Variants in ERC2 observed in about 807,000 individuals in gnomAD.
The protein encoded by ERC2 is ELKS/RAB6-interacting/CAST family member 2.
In ERC2, 42 loss-of-function variants were observed where a neutral mutation model predicts 114.8. The ratio of observed to expected loss-of-function variants is 0.37; its 90% confidence interval spans 0.29 to 0.47. The LOEUF (loss-of-function observed/expected upper bound fraction) is 0.47. ERC2 is among the 20% of genes least tolerant of loss of function. ERC2 has a pLI of 0.99. For missense variants in ERC2, 939 were observed against 1,150.7 expected (o/e 0.82, Z 2.66); for synonymous variants, 454 against 425.5 (o/e 1.07, Z -0.82).
intron 17 of ERC2, among the ~76,000 whole-genome samples, chr3:55,543,230 A>C (rs1044507574): frequency 1.3e-5 from 2 of 152,180 alleles, no homozygotes; most frequent in Admixed American, 6.5e-5. Context: ...CAGCAGCAAA[A>C]GGCTGTCCAC....
Position 55,904,016 on chromosome 3 carries a change from C to T in ERC2, c.2404-15467G>A, listed in dbSNP as rs187555863. On this transcript the variant is annotated intron_variant, in intron 13 of 17. Transcript: ENST00000288221. ...TGTTAGGTTACATAGCCCTCGGGGA[C>T]TTTCTTGCCTGAGATTAATCCATAA... Among the ~76,000 whole-genome samples, 7 of 152,338 alleles carry T rather than the reference C, an allele frequency of 4.6e-5. No homozygotes were observed. In the East Asian group the frequency reaches 1.3e-3, roughly 29 times the overall value.
At position 55,600,882 on chromosome 3, in the gene ERC2, T is replaced by C. The variant is rs2058369788; in HGVS notation, c.*39+82912A>G. On this transcript the variant is annotated intron_variant, in intron 17 of 17. Transcript: ENST00000288221. ...TGGTTCTTATTGGCAGCCTGGGTGA[T>C]GAGCTGCTGATGTCGCTCCTACTGG... is the stretch of plus-strand genomic sequence containing the variant. Among the ~76,000 whole-genome samples the C allele has an allele frequency of 3.3e-5, 5 of 152,222 alleles. No individual in the cohort carries two copies. In the South Asian group the frequency reaches 1.0e-3, roughly 32 times the overall value.
chr3:55,511,727 A>G (rs932879265), intron 17 of ERC2, among the ~76,000 whole-genome samples: 7 of 152,182 alleles, frequency 4.6e-5, no homozygotes, highest in Non-Finnish European at 8.8e-5. Context: ...GATATCAGAG[A>G]ACTTAGCATG....
chr3:55,850,002 T>G (rs2061504981), intron 14 of ERC2, among the ~76,000 whole-genome samples: 1 of 152,230 alleles, frequency 6.6e-6, no homozygotes, highest in Non-Finnish European at 1.5e-5. Flanking sequence ...GCAGAGTTGG[T>G]TCCTTCTGGA....
intron 2 of ERC2, among the ~76,000 whole-genome samples, chr3:56,373,788 G>A (rs752970974): frequency 6.6e-6 from 1 of 152,154 alleles, no homozygotes; most frequent in Non-Finnish European, 1.5e-5. Context: ...TAAATGTTAT[G>A]TATTCATGTG....
At chr3:55,970,068 T>A (rs547660750) in intron 12 of ERC2, among the ~76,000 whole-genome samples, 30 of 152,182 alleles carry the variant, frequency 2.0e-4, no homozygotes, top group Non-Finnish European at 4.1e-4. Context: ...AATGGCCGCA[T>A]GTGTGTTGCA....
chr3:55,523,508 C>G (rs2053102938), intron 17 of ERC2, among the ~76,000 whole-genome samples: 1 of 152,192 alleles, frequency 6.6e-6, no homozygotes, highest in Non-Finnish European at 1.5e-5. Flanking sequence ...TTCAGGGGAG[C>G]CTTCCTGACT....
At chr3:55,633,351 T>A (rs2059832096) in intron 17 of ERC2, among the ~76,000 whole-genome samples, 1 of 152,220 alleles carries the variant, frequency 6.6e-6, no homozygotes, top group African/African-American at 2.4e-5. Context: ...CACTGTGGGC[T>A]TTAAGAACAC....
At chr3:56,306,096 G>A (rs759440906) in intron 2 of ERC2, among the ~76,000 whole-genome samples, 3 of 152,052 alleles carry the variant, frequency 2.0e-5, no homozygotes, top group Non-Finnish European at 2.9e-5. Context: ...TGATCCTCCC[G>A]CCTCGGCCTC....
intron 2 of ERC2, among the ~76,000 whole-genome samples, chr3:56,428,254 C>T (rs535059945): frequency 7.8e-4 from 119 of 152,262 alleles, no homozygotes; most frequent in African/African-American, 2.6e-3. Flanking sequence ...GGGGCGGTGG[C>T]TCACGCCTGT....
At chr3:56,421,769 G>C (rs983810758) in intron 2 of ERC2, among the ~76,000 whole-genome samples, 2 of 152,076 alleles carry the variant, frequency 1.3e-5, no homozygotes, top group African/African-American at 4.8e-5. Flanking sequence ...GTGACACCTG[G>C]CTGCCCTACT....
At chr3:56,044,923 T>C (rs1286596922) in intron 7 of ERC2, among the ~76,000 whole-genome samples, 1 of 152,196 alleles carries the variant, frequency 6.6e-6, no homozygotes, top group African/African-American at 2.4e-5. Context: ...ATTTATTTTG[T>C]TATTGCTTAG....
chr3:55,691,557 AAAAAAAAAAAAAAAAAATAT>A (rs1199586965), intron 16 of ERC2, among the ~76,000 whole-genome samples: 1 of 36,966 alleles, frequency 2.7e-5, no homozygotes, highest in African/African-American at 6.7e-5. Flanking sequence ...AAAAAAAAAA[AAAAAAAAAAAAAAAAAATAT>A]ATATATATAT....
At chr3:55,687,947 G>T (rs1315288255) in intron 16 of ERC2, among the ~76,000 whole-genome samples, 1 of 152,208 alleles carries the variant, frequency 6.6e-6, no homozygotes, top group Non-Finnish European at 1.5e-5. Context: ...TAGGTTTTCT[G>T]CTAAGGTCAA....
intron 17 of ERC2, among the ~76,000 whole-genome samples, chr3:55,589,233 A>G (rs183998864): frequency 0.024 from 3,493 of 148,152 alleles, 103 homozygotes; most frequent in African/African-American, 0.068. Flanking sequence ...AAAAAAAAAA[A>G]AGAGAGAGAG....
intron 6 of ERC2, among the ~76,000 whole-genome samples, chr3:56,112,272 TG>T (rs1208517163): frequency 6.6e-6 from 1 of 152,232 alleles, no homozygotes; most frequent in African/African-American, 2.4e-5. Flanking sequence ...TCTGCTTTCT[TG>T]CCATTCCAAA....
chr3:56,379,326 C>A (rs965930605), intron 2 of ERC2, among the ~76,000 whole-genome samples: 2 of 152,090 alleles, frequency 1.3e-5, no homozygotes, highest in African/African-American at 4.8e-5. Context: ...GAATTTAAGT[C>A]AAAGCCAACC....
intron 17 of ERC2, among the ~76,000 whole-genome samples, chr3:55,613,407 G>A (rs755408969): frequency 4.5e-4 from 68 of 152,144 alleles, no homozygotes; most frequent in African/African-American, 1.4e-3. Flanking sequence ...TTTGGGGGGC[G>A]GTGTCACAAA....
chr3:55,535,543 G>A (rs2053943339), intron 17 of ERC2, among the ~76,000 whole-genome samples: 1 of 152,186 alleles, frequency 6.6e-6, no homozygotes, highest in South Asian at 2.1e-4. Flanking sequence ...TGACTGGTGT[G>A]AGCCACCGGC....
Sources: gnomAD v4.1 joint callset for allele counts (sites outside exome capture counted in the v4.1 genomes callset) on GRCh38, gnomAD v4.1.1 for gene constraint, MANE v1.5 for transcripts, NCBI Gene and HGNC (gene_info 2026-07-23, HGNC 2026-07-21) for gene names.